Variants in GAS7 observed in about 807,000 individuals in gnomAD.
GAS7 encodes the protein growth arrest specific 7.
In GAS7, 28 loss-of-function variants were observed where a neutral mutation model predicts 71.1. That is an observed-to-expected ratio of 0.39 (90% CI 0.29 to 0.54). The LOEUF (loss-of-function observed/expected upper bound fraction) is 0.54, where lower values mean the gene tolerates loss of function less well. Ranked by LOEUF, GAS7 falls within the 20% of genes least tolerant of loss-of-function variation. The probability of loss-of-function intolerance (pLI) is 0.62; values close to 1 mark genes in which losing one functional copy is unlikely to be tolerated. For synonymous variants in GAS7, 258 were observed against 245.8 expected (o/e 1.05, Z -0.46); for missense variants, 436 against 627.8 (o/e 0.69, Z 3.27).
At chr17:10,033,045 T>C (rs1427717749) in intron 1 of GAS7, among the ~76,000 whole-genome samples, 3 of 152,220 alleles carry the variant, frequency 2.0e-5, no homozygotes, top group Non-Finnish European at 1.5e-5. Context: ...GAAACGTCCC[T>C]ATTTGTCAAA....
At chr17:10,164,479 T>C (rs1317337625) in intron 1 of GAS7, among the ~76,000 whole-genome samples, 1 of 151,332 alleles carries the variant, frequency 6.6e-6, no homozygotes, top group Non-Finnish European at 1.5e-5. Flanking sequence ...GACTGGACTT[T>C]CTCTTCAGAG....
At chr17:10,142,169 T>C (rs974615983) in intron 1 of GAS7, among the ~76,000 whole-genome samples, 11 of 146,768 alleles carry the variant, frequency 7.5e-5, no homozygotes, top group Non-Finnish European at 1.6e-4. Flanking sequence ...TGAGCCGAAA[T>C]AGGGCCACTG....
intron 1 of GAS7, among the ~76,000 whole-genome samples, chr17:10,079,153 C>A (rs1461697682): frequency 6.6e-6 from 1 of 152,136 alleles, no homozygotes; most frequent in East Asian, 1.9e-4. Context: ...ATAACAAAAA[C>A]CCCAAATGGA....
At chr17:10,038,899 G>A (rs893038776) in intron 1 of GAS7, among the ~76,000 whole-genome samples, 1 of 151,998 alleles carries the variant, frequency 6.6e-6, no homozygotes, top group Non-Finnish European at 1.5e-5. Flanking sequence ...GCAACCATGT[G>A]GATGGACCTT....
intron 4 of GAS7, among the ~76,000 whole-genome samples, chr17:9,960,705 C>A (rs1597552959): frequency 6.6e-6 from 1 of 152,344 alleles, no homozygotes; most frequent in East Asian, 1.9e-4. Context: ...GCAAATTAGG[C>A]AAACCAGGGA....
At chr17:10,059,643 T>C (rs1399354061) in intron 1 of GAS7, 17 of 975,190 alleles carry the variant, frequency 1.7e-5, no homozygotes, top group African/African-American at 3.5e-5. Flanking sequence ...CCAATTAGCT[T>C]CGAGCATCTG....
At chr17:9,966,706 G>C (rs1298210975) in intron 4 of GAS7, among the ~76,000 whole-genome samples, 1 of 152,086 alleles carries the variant, frequency 6.6e-6, no homozygotes, top group Non-Finnish European at 1.5e-5. Context: ...ACAAAAAGTA[G>C]TAGCTAGCTG....
chr17:10,118,185 A>T (rs1423029971), intron 1 of GAS7, among the ~76,000 whole-genome samples: 1 of 134,634 alleles, frequency 7.4e-6, no homozygotes, highest in African/African-American at 2.6e-5. Flanking sequence ...AGACAAGATG[A>T]TAGAGATGGA....
At chr17:10,138,998 A>G (rs1249889223) in intron 1 of GAS7, among the ~76,000 whole-genome samples, 1 of 152,150 alleles carries the variant, frequency 6.6e-6, no homozygotes, top group Non-Finnish European at 1.5e-5. Flanking sequence ...TCCCACATCT[A>G]TTTGTGCCTT....
intron 1 of GAS7, among the ~76,000 whole-genome samples, chr17:10,147,706 C>A (rs1014511762): frequency 1.3e-4 from 20 of 152,284 alleles, no homozygotes; most frequent in Non-Finnish European, 1.8e-4. Context: ...AAGGGTACAA[C>A]ACGGCATTTC....
intron 2 of GAS7, among the ~76,000 whole-genome samples, chr17:10,008,769 T>G (rs559273320): frequency 4.7e-5 from 7 of 148,898 alleles, no homozygotes; most frequent in African/African-American, 7.4e-5. Flanking sequence ...AGGCTGGCGC[T>G]CTCTCTCTCT....
intron 1 of GAS7, among the ~76,000 whole-genome samples, chr17:10,037,070 C>A (rs1487402341): frequency 6.6e-6 from 1 of 152,220 alleles, no homozygotes; most frequent in East Asian, 1.9e-4. Context: ...AATGTTCCCC[C>A]AAAGAACCAC....
At chr17:10,170,026 CCCATTGGTCTCGCTCT>C (rs1465018891) in intron 1 of GAS7, among the ~76,000 whole-genome samples, 1 of 152,148 alleles carries the variant, frequency 6.6e-6, no homozygotes, top group Admixed American at 6.5e-5. Context: ...ATTACCAAAT[CCCATTGGTCTCGCTCT>C]CAAAATACAT....
chr17:10,187,164 T>C (rs768888044), intron 1 of GAS7, among the ~76,000 whole-genome samples: 3 of 152,196 alleles, frequency 2.0e-5, no homozygotes, highest in Non-Finnish European at 4.4e-5. Context: ...GTGTCATGTG[T>C]CATTCCTGGG....
intron 2 of GAS7, among the ~76,000 whole-genome samples, chr17:10,009,058 C>T (rs978440933): frequency 1.4e-4 from 21 of 151,990 alleles, no homozygotes; most frequent in African/African-American, 2.4e-5. Flanking sequence ...CGGTGGCTCA[C>T]GCCTGTAATC....
intron 1 of GAS7, among the ~76,000 whole-genome samples, chr17:10,115,647 C>G (rs1426057371): frequency 6.6e-6 from 1 of 151,856 alleles, no homozygotes; most frequent in Admixed American, 6.6e-5. Context: ...CTTGCCCATA[C>G]TTATTACCAT....
rs149965154 is a variant in GAS7 at position 10,081,180 on chromosome 17, G to A, written c.184-61283C>T. Among the ~76,000 whole-genome samples, 377 of 152,156 alleles carry A rather than the reference G, an allele frequency of 2.5e-3. 4 individuals are homozygous for A. Among genetic ancestry groups the A allele is most frequent in the East Asian group, 1.9e-3 (10 of 5,158 alleles). Reference sequence around the variant, plus strand: ...AGAGTTTTTTTTTTCTTGAGACGGAGTCTCGCTCTTGTTGCCTAGGCTGGA... The same window carrying A: ...AGAGTTTTTTTTTTCTTGAGACGGAATCTCGCTCTTGTTGCCTAGGCTGGA... On this transcript the variant is annotated intron_variant, in intron 1 of 13. Transcript: ENST00000432992.
At chr17:10,155,509 C>T (rs1439177941) in intron 1 of GAS7, among the ~76,000 whole-genome samples, 1 of 152,170 alleles carries the variant, frequency 6.6e-6, no homozygotes, top group Non-Finnish European at 1.5e-5. Context: ...CTTCAAATAA[C>T]TGTCTCTGCA....
chr17:10,185,938 A>C (rs2074448769), intron 1 of GAS7, among the ~76,000 whole-genome samples: 2 of 148,208 alleles, frequency 1.3e-5, no homozygotes, highest in Non-Finnish European at 3.0e-5. Flanking sequence ...CAGACTACTA[A>C]ATCAGTCTGC....
Sources: gnomAD v4.1 joint callset for allele counts (sites outside exome capture counted in the v4.1 genomes callset) on GRCh38, gnomAD v4.1.1 for gene constraint, MANE v1.5 for transcripts, NCBI Gene and HGNC (gene_info 2026-07-23, HGNC 2026-07-21) for gene names.